Variants in TUBA4A observed in about 807,000 individuals in gnomAD.
TUBA4A encodes tubulin alpha 4a, also known as tubulin alpha-4A chain.
TUBA4A carries 23 observed loss-of-function variants against 34.3 expected under a neutral mutation model. The ratio of observed to expected loss-of-function variants is 0.67; its 90% CI spans 0.48 to 0.95. The LOEUF (loss-of-function observed/expected upper bound fraction) is 0.95. TUBA4A is among the 40% of genes least tolerant of loss of function. TUBA4A has a pLI of 0.00. For synonymous variants in TUBA4A, 216 were observed against 230.5 expected, an observed-to-expected ratio of 0.94 and a Z score of 0.57; for missense variants, 279 against 599.0, an observed-to-expected ratio of 0.47 and a Z score of 5.58.
rs1171853661 is a variant in TUBA4A, at chr2:219,251,578, C to T, written c.362G>A (p.Arg121Gln). The T allele has an allele frequency of 1.9e-6, 3 of 1,613,658 alleles. No individual in the cohort carries two copies. The highest frequency in any genetic ancestry group is 1.3e-5 in the African/African-American group (1 of 75,040). ...GKEIIDPVLD[R>Q]IRKLSDQCTG... Reference sequence around the variant, plus strand: ...ACACACTCTCACCAGCTTGCGGATCCGATCCAGCACTGGGTCAATGATCTC... The same window carrying T: ...ACACACTCTCACCAGCTTGCGGATCTGATCCAGCACTGGGTCAATGATCTC... Residue 121 changes from arginine (R) to glutamine (Q), a missense_variant, in exon 3 of 4, where the codon CGG becomes CAG. By Grantham distance (43) the Arg-to-Gln change is conservative (BLOSUM62 1). Transcript: ENST00000248437. This position sits in a 1 kb window ranked among gnomAD's most constrained non-coding sequence, Gnocchi z 6.1.
In TUBA4A at chr2:219,251,339, G is replaced by A. The variant is rs116486324; in HGVS notation, c.376-16C>T. 605 of 1,586,640 alleles carry A rather than the reference G, an allele frequency of 3.8e-4. 2 individuals are homozygous for A. In the African/African-American group the frequency reaches 6.2e-3, roughly 16 times the overall value. ...ACTGGTCAGACTGAAAGGCAAGAAC[G>A]AGAAAGAACAGTTTAGGTAGGGGAG... On this transcript the variant is annotated splice_polypyrimidine_tract_variant and intron_variant, in intron 3 of 3. Transcript: ENST00000248437. This position sits in a 1 kb window ranked among gnomAD's most constrained non-coding sequence, Gnocchi z 6.1.
At position 219,250,168 on chromosome 2, in the gene TUBA4A, T is replaced by C. The variant is rs1480666336; in HGVS notation, c.*184A>G. 1 of 873,556 alleles carries C rather than the reference T, an allele frequency of 1.1e-6. No individual in the cohort carries two copies. Among genetic ancestry groups the C allele is most frequent in the East Asian group, 2.4e-5 (1 of 40,834 alleles). 54.1% of individuals were successfully genotyped at this position (873,556 alleles called of 1,614,324 possible). A position where few individuals can be genotyped will look rare whatever the true frequency, so the allele number is the denominator to read the frequency against. On this transcript the variant is annotated 3_prime_UTR_variant, in exon 4 of 4. Coordinates refer to ENST00000248437, the MANE Select transcript of TUBA4A (RefSeq NM_006000.3). The surrounding 1 kb of genome is among the most constrained non-coding windows in gnomAD (Gnocchi z 8.4). The stretch of plus-strand genomic sequence containing the variant: ...TTCCTGGGCCTGGCAAGAACCCCTT[T>C]GCAGGTCTCACCTTCAGCGATGGAA...
At position 219,250,741 on chromosome 2, in the gene TUBA4A, G is replaced by A. The variant is rs730880025; in HGVS notation, c.958C>T (p.Arg320Cys). The A allele has an allele frequency of 5.0e-6, 8 of 1,614,118 alleles. No individual in the cohort carries two copies. The highest frequency in any genetic ancestry group is 2.2e-5 in the East Asian group (1 of 44,900). ...GKYMACCLLYRGDVVPKDVNA... is the reference protein window; with the variant it reads ...GKYMACCLLYCGDVVPKDVNA... ...ACATCCTTGGGCACCACATCTCCAC[G>A]GTACAGCAGGCAGCAGGCCATGTAC... The change falls in exon 4 of 4, where the codon CGT becomes TGT. Residue 320 changes from arginine (R) to cysteine (C), a missense_variant. This residue lies in a region of TUBA4A where 108 missense variants were observed against 299.9 expected (regional missense o/e 0.36). Coordinates refer to ENST00000248437, the MANE Select transcript of TUBA4A (RefSeq NM_006000.3). This position sits in a 1 kb window ranked among gnomAD's most constrained non-coding sequence, Gnocchi z 8.4.
At chr2:219,253,219 C>A in intron 1 of TUBA4A, 1 of 1,493,512 alleles carries the variant, frequency 6.7e-7, no homozygotes, top group South Asian at 1.3e-5. Context: ...CTGGCCTCGG[C>A]CCGCGCAGTG....
chr2:219,253,356 G>GC (rs562496165), intron 1 of TUBA4A: 2 of 1,462,320 alleles, frequency 1.4e-6, no homozygotes, highest in Non-Finnish European at 1.8e-6. Context: ...CTGAGTCACG[G>GC]GGGGGGGGTG....
Position 219,251,951 on chromosome 2 carries a change from G to T in TUBA4A, c.226+57C>A. 1 of 1,560,010 alleles carries T rather than the reference G, an allele frequency of 6.4e-7. No homozygotes were observed. On this transcript the variant is annotated intron_variant, in intron 2 of 3. Coordinates refer to ENST00000248437, the MANE Select transcript of TUBA4A (RefSeq NM_006000.3). This position sits in a 1 kb window ranked among gnomAD's most constrained non-coding sequence, Gnocchi z 6.1. ...CTGGTCTAAATACCCTCTCTCTCCA[G>T]GGAGAAGCTTTGAGTCATGCTCCAC...
chr2:219,253,179 C>CT, intron 1 of TUBA4A: 1 of 1,511,378 alleles, frequency 6.6e-7, no homozygotes, highest in Non-Finnish European at 8.9e-7. Flanking sequence ...ATACCACCCC[C>CT]TACATGCACC....
At position 219,251,588 on chromosome 2, in the gene TUBA4A, C is replaced by G; in HGVS notation, c.352G>C (p.Val118Leu). The change falls in exon 3 of 4, where the codon GTG becomes CTG. Residue 118 changes from valine (V) to leucine (L), a missense_variant. By Grantham distance (32) the Val-to-Leu change is conservative. This residue lies in a region of TUBA4A where 98 missense variants were observed against 171.1 expected (regional missense o/e 0.57). Coordinates refer to ENST00000248437, the MANE Select transcript of TUBA4A (RefSeq NM_006000.3). This position sits in a 1 kb window ranked among gnomAD's most constrained non-coding sequence, Gnocchi z 6.1. Reference protein sequence around the residue: ...YTIGKEIIDPVLDRIRKLSDQ... With the variant: ...YTIGKEIIDPLLDRIRKLSDQ... ...ACCAGCTTGCGGATCCGATCCAGCA[C>G]TGGGTCAATGATCTCCTTGCCAATG... The G allele has an allele frequency of 6.2e-7, 1 of 1,614,126 alleles. No individual in the cohort carries two copies. The highest frequency in any genetic ancestry group is 8.5e-7 in the Non-Finnish European group (1 of 1,179,972).
Position 219,252,632 on chromosome 2 carries a change from G to C in TUBA4A, c.4-402C>G. On this transcript the variant is annotated intron_variant, in intron 1 of 3. Transcript: ENST00000248437. This position sits in a 1 kb window ranked among gnomAD's most constrained non-coding sequence, Gnocchi z 4.1. ...CTCTTTCTTTCCTGTAAGCTGCAGA[G>C]GTGTCTCAGCCATCCAATCTGGCAT... 2.6e-6 allele frequency: 1 copy of C among 391,136 alleles called. No individual in the cohort carries two copies. The highest frequency in any genetic ancestry group is 5.4e-6 in the Non-Finnish European group (1 of 186,804). The allele number at this position is 391,136 out of a possible 1,614,324, so 24.2% of individuals were successfully genotyped here. A position where few individuals can be genotyped will look rare whatever the true frequency, so the allele number is the denominator to read the frequency against.
At chr2:219,253,932 C>G (rs528746051), upstream of TUBA4A, 1 of 1,261,112 alleles carries the variant, frequency 7.9e-7, no homozygotes, top group African/African-American at 1.6e-5. Context: ...AGCTGCAGTG[C>G]CGCACCGCCC....
Position 219,250,207 on chromosome 2 carries a change from T to C in TUBA4A, c.*145A>G. The C allele has an allele frequency of 1.6e-6, 2 of 1,233,418 alleles. No individual in the cohort carries two copies. Among genetic ancestry groups the C allele is most frequent in the Non-Finnish European group, 2.3e-6 (2 of 877,056 alleles). The allele number at this position is 1,233,418 out of a possible 1,614,324, so 76.4% of individuals were successfully genotyped here. A position where few individuals can be genotyped will look rare whatever the true frequency, so the allele number is the denominator to read the frequency against. The stretch of plus-strand genomic sequence containing the variant: ...TCAGCGATGGAAGGGATAAGGGTCA[T>C]GAACAGCAAACAGAGCAGCAGCAGC... On this transcript the variant is annotated 3_prime_UTR_variant, in exon 4 of 4. Coordinates refer to ENST00000248437, the MANE Select transcript of TUBA4A (RefSeq NM_006000.3). This position sits in a 1 kb window ranked among gnomAD's most constrained non-coding sequence, Gnocchi z 8.4.
intron 1 of TUBA4A, chr2:219,253,195 C>T: frequency 6.7e-7 from 1 of 1,500,200 alleles, no homozygotes; most frequent in Non-Finnish European, 8.9e-7. Flanking sequence ...GCACCTCTCT[C>T]CCCTCCCCCC....
At position 219,251,434 on chromosome 2, in the gene TUBA4A, G is replaced by A; in HGVS notation, c.376-111C>T. ...CATCAGCAGTCAGGGCAAATACTGA[G>A]GATGCCATAGCAGCACCACACTCGA... On this transcript the variant is annotated intron_variant, in intron 3 of 3. Coordinates refer to ENST00000248437, the MANE Select transcript of TUBA4A (RefSeq NM_006000.3). The surrounding 1 kb of genome is among the most constrained non-coding windows in gnomAD (Gnocchi z 6.1). The A allele has an allele frequency of 6.5e-7, 1 of 1,534,254 alleles. No individual in the cohort carries two copies.
chr2:219,253,909 T>G lies in TUBA4A; in HGVS notation c.-51A>C, dbSNP rs978268561. 2 of 1,395,900 alleles carry G rather than the reference T, an allele frequency of 1.4e-6. No individual in the cohort carries two copies. Among genetic ancestry groups the G allele is most frequent in the Non-Finnish European group, 1.9e-6 (2 of 1,070,928 alleles). 86.5% of individuals were successfully genotyped at this position (1,395,900 alleles called of 1,614,324 possible). The stretch of plus-strand genomic sequence containing the variant: ...GTTGAGTCGGGGTGACAGGTCTCAG[T>G]GAGAACTGCGCTAGCTGCAGTGCCG... On this transcript the variant is annotated 5_prime_UTR_variant, in exon 1 of 4. Coordinates refer to ENST00000248437, the MANE Select transcript of TUBA4A (RefSeq NM_006000.3).
upstream of TUBA4A, chr2:219,254,698 C>G (rs992335668): frequency 1.3e-5 from 2 of 152,364 alleles, no homozygotes; most frequent in East Asian, 3.9e-4. Flanking sequence ...GACCTCAGGA[C>G]CTGGATTCTC....
chr2:219,253,150 C>A, intron 1 of TUBA4A: 1 of 1,523,514 alleles, frequency 6.6e-7, no homozygotes, highest in Non-Finnish European at 8.9e-7. Context: ...GGGTTTCGGC[C>A]CCCGCTCCTG....
intron 1 of TUBA4A, chr2:219,253,322 C>A: frequency 6.5e-7 from 1 of 1,528,398 alleles, no homozygotes; most frequent in Non-Finnish European, 8.7e-7. Context: ...TTCCCACCAA[C>A]CCTCTCAGCT....
rs200615683 is a variant in TUBA4A, at chr2:219,253,861, T to A, written c.-3A>T. On this transcript the variant is annotated 5_prime_UTR_variant, in exon 1 of 4. Transcript: ENST00000248437. ...CCCGGCCGGGCCGCACTCACCATGG[T>A]GAGTCCGGGCGGTGCGTCTCACGTT... 3 of 1,479,192 alleles carry A rather than the reference T, an allele frequency of 2.0e-6. No homozygotes were observed. The East Asian group carries it at 7.7e-5, about 38-fold the overall frequency. The allele number at this position is 1,479,192 out of a possible 1,614,324, so 91.6% of individuals were successfully genotyped here. A position where few individuals can be genotyped will look rare whatever the true frequency, so the allele number is the denominator to read the frequency against.
rs1340226695 is a variant in TUBA4A at position 219,251,994 on chromosome 2, C to T, written c.226+14G>A. 1 of 1,613,292 alleles carries T rather than the reference C, an allele frequency of 6.2e-7. No homozygotes were observed. Among genetic ancestry groups the T allele is most frequent in the Admixed American group, 1.7e-5 (1 of 59,990 alleles). ...TGCTCCACCCCCTTCAATTTTGTCCCCACTTCCTCTCACCAATGACCGTAG... is the reference window on the plus strand; with the variant it reads ...TGCTCCACCCCCTTCAATTTTGTCCTCACTTCCTCTCACCAATGACCGTAG... On this transcript the variant is annotated intron_variant, in intron 2 of 3. Coordinates refer to ENST00000248437, the MANE Select transcript of TUBA4A (RefSeq NM_006000.3). This position sits in a 1 kb window ranked among gnomAD's most constrained non-coding sequence, Gnocchi z 6.1.
Sources: allele counts gnomAD v4.1 joint callset, GRCh38; gene constraint gnomAD v4.1.1; regional missense constraint gnomAD v4.1.1; non-coding constraint Gnocchi (gnomAD v3.1); transcripts MANE v1.5; gene names NCBI Gene and HGNC (gene_info 2026-07-23, HGNC 2026-07-21).